MYH11: variants seen among roughly 807,000 people sequenced by gnomAD.
The protein encoded by MYH11 is myosin-11.
MYH11 carries 80 observed loss-of-function variants against 246.6 expected under a neutral mutation model. The ratio of observed to expected loss-of-function variants is 0.32; its 90% confidence interval spans 0.27 to 0.39. MYH11 has a LOEUF of 0.39. Among genes scored for constraint, MYH11 ranks in the 10% least tolerant of loss-of-function variants. The pLI is 1.00. For synonymous variants in MYH11, 1,071 were observed against 1,015.5 expected, an observed-to-expected ratio of 1.05 and a Z score of -1.04; for missense variants, 2,158 against 2,546.8, an observed-to-expected ratio of 0.85 and a Z score of 3.29.
chr16:15,793,613 TTC>T (rs1157006731), intron 4 of MYH11, among the ~76,000 whole-genome samples: 81 of 138,436 alleles, frequency 5.9e-4, no homozygotes, highest in Middle Eastern at 3.4e-3. Context: ...TTCTTTTCTT[TTC>T]TTTTTTTTTT....
intron 1 of MYH11, among the ~76,000 whole-genome samples, chr16:15,856,219 G>T (rs202049208): frequency 0.022 from 2,164 of 96,998 alleles, 23 homozygotes; most frequent in Non-Finnish European, 0.04. Context: ...TGGGTGAGTT[G>T]TTTTTTTTTT....
rs761288871 is a variant in MYH11, at chr16:15,735,568, C to T, written c.3304G>A (p.Glu1102Lys). The change falls in exon 26 of 41, where the codon GAA becomes AAA. Residue 1102 changes from glutamate (E) to lysine (K), a missense_variant. Glu to Lys is a moderately conservative substitution (Grantham distance 56). Transcript: ENST00000300036. Reference sequence around the variant, plus strand: ...AGGGCATTGTTCTTCTGAGCGATTTCATCGTCAAGCCTTCCAGGGAGAGAC... The same window carrying T: ...AGGGCATTGTTCTTCTGAGCGATTTTATCGTCAAGCCTTCCAGGGAGAGAC... ...LQAALARLDD[E>K]IAQKNNALKK... is the part of the protein sequence containing the mutation. 2 of 1,614,198 alleles carry T rather than the reference C, an allele frequency of 1.2e-6. No homozygotes were observed. Among genetic ancestry groups the T allele is most frequent in the South Asian group, 2.2e-5 (2 of 91,082 alleles).
chr16:15,817,798 C>A (rs1488096141), intron 3 of MYH11, among the ~76,000 whole-genome samples: 1 of 152,098 alleles, frequency 6.6e-6, no homozygotes, highest in Non-Finnish European at 1.5e-5. Flanking sequence ...CCATTCTCAC[C>A]CCTACATTTA....
At chr16:15,704,228 A>T in intron 40 of MYH11, 105 bp from the exon 41 acceptor site, 2 of 1,413,512 alleles carry the variant, frequency 1.4e-6, no homozygotes, top group Non-Finnish European at 1.9e-6. Flanking sequence ...CTATTGCAAT[A>T]TAAATTTTTT....
chr16:15,745,005 G>C, intron 20 of MYH11, 124 bp downstream of exon 20: 1 of 767,778 alleles, frequency 1.3e-6, no homozygotes, highest in South Asian at 1.4e-5. Flanking sequence ...AATGCTCAAG[G>C]TCTGAGTTCG....
rs769802444 is a variant in MYH11 at position 15,715,067 on chromosome 16, A to T, written c.5628T>A (p.Asn1876Lys). Residue 1876 changes from asparagine to lysine, a missense_variant, in exon 40 of 41, where the codon AAT (asparagine) becomes AAA (lysine). Physicochemically the swap from Asn to Lys is moderately conservative, Grantham distance 94 (BLOSUM62 0). This residue lies in a region of MYH11 where 1,013 missense variants were observed against 993.5 expected (regional missense o/e 1.02). Coordinates refer to ENST00000300036, the MANE Select transcript of MYH11 (RefSeq NM_002474.3). ...GCCTCTTGAGCTGCTTGACCCTGGC[A>T]TTGCCTTTCTCTGCCTGTCGCGGAG... ...EQYKEQAEKG[N>K]ARVKQLKRQL... 3 of 1,599,146 alleles carry T rather than the reference A, an allele frequency of 1.9e-6. No homozygotes were observed. In the Admixed American group the frequency reaches 5.0e-5, roughly 27 times the overall value.
At chr16:15,835,518 G>C (rs2151379051) in intron 2 of MYH11, among the ~76,000 whole-genome samples, 1 of 152,234 alleles carries the variant, frequency 6.6e-6, no homozygotes, top group South Asian at 2.1e-4. Flanking sequence ...ATGACAAGGG[G>C]CTTTTTGTAA....
chr16:15,723,778 G>A (rs1471961677), intron 31 of MYH11, among the ~76,000 whole-genome samples: 1 of 152,164 alleles, frequency 6.6e-6, no homozygotes, highest in Non-Finnish European at 1.5e-5. Flanking sequence ...GAAATCTTAG[G>A]GAAGAGTGGT....
At chr16:15,713,992 C>G (rs1373358679) in intron 40 of MYH11, 3 of 152,264 alleles carry the variant, frequency 2.0e-5, no homozygotes, top group African/African-American at 7.2e-5. Context: ...GCCTGAGGGT[C>G]AAATTGTGAG....
Position 15,817,019 on chromosome 16 carries a change from T to C in MYH11, c.502+6236A>G, listed in dbSNP as rs115788560. Among the ~76,000 whole-genome samples, 1,497 of 152,278 alleles carry C rather than the reference T, an allele frequency of 9.8e-3. 30 individuals carry two copies. Among genetic ancestry groups the C allele is most frequent in the African/African-American group, 0.034 (1,424 of 41,552 alleles). On this transcript the variant is annotated intron_variant, in intron 3 of 40. Transcript: ENST00000300036. The stretch of plus-strand genomic sequence containing the variant: ...TATATATATGGAATGCTAGTATTTG[T>C]AGGGAAATCTTAGGGAAGAAAATAG...
chr16:15,785,982 T>G (rs114017785), intron 5 of MYH11: 240 of 183,874 alleles, frequency 1.3e-3, no homozygotes, highest in African/African-American at 5.3e-3. Context: ...TGGCATACAG[T>G]AGGTGCTCAA....
At position 15,719,223 on chromosome 16, in the gene MYH11, C is replaced by T; in HGVS notation, c.5168G>A (p.Gly1723Glu). The T allele has an allele frequency of 6.2e-7, 1 of 1,613,686 alleles. No homozygotes were observed. Among genetic ancestry groups the T allele is most frequent in the Non-Finnish European group, 8.5e-7 (1 of 1,179,986 alleles). ...CTTCCTCCATTCAGTTTCCTACCTT[C>T]CCGACAGGCTACTGGCCAGCTCCTC... ...LAEELASSLS[G>E]RNALQDEKRR... Residue 1723 changes from glycine (G) to glutamate (E), a missense_variant, in exon 36 of 41, where the codon GGA becomes GAA. Gly to Glu is a moderately conservative substitution (Grantham distance 98, BLOSUM62 -2). This residue lies in a region of MYH11 where 1,013 missense variants were observed against 993.5 expected (regional missense o/e 1.02). Coordinates refer to ENST00000300036, the MANE Select transcript of MYH11 (RefSeq NM_002474.3).
At chr16:15,806,291 AAAAAAAAAAAAAAAAAAAAAAAAAG>A (rs1303807973) in intron 3 of MYH11, among the ~76,000 whole-genome samples, 1 of 82,964 alleles carries the variant, frequency 1.2e-5, no homozygotes, top group Non-Finnish European at 2.6e-5. Context: ...AAAAAAAAAA[AAAAAAAAAAAAAAAAAAAAAAAAAG>A]AAGCCAGCCA....
At chr16:15,741,981 C>T in intron 20 of MYH11, 90 bp from the exon 21 acceptor site, 6 of 1,553,566 alleles carry the variant, frequency 3.9e-6, no homozygotes, top group Non-Finnish European at 4.4e-6. Flanking sequence ...GAGCCAGGGA[C>T]AATGTTGCCC....
intron 2 of MYH11, among the ~76,000 whole-genome samples, chr16:15,832,965 T>A: frequency 7.4e-6 from 1 of 134,310 alleles, no homozygotes; most frequent in African/African-American, 2.8e-5. Context: ...TTTTTTTTTT[T>A]TTTTTTTTTT....
At chr16:15,821,977 T>C (rs1183785839) in intron 3 of MYH11, among the ~76,000 whole-genome samples, 1 of 151,884 alleles carries the variant, frequency 6.6e-6, no homozygotes, top group Non-Finnish European at 1.5e-5. Flanking sequence ...CTTTACAACC[T>C]GAGATTACAG....
intron 40 of MYH11, 89 bp from the exon 41 acceptor site, chr16:15,704,212 A>G (rs2039330784): frequency 6.6e-7 from 1 of 1,508,300 alleles, no homozygotes; most frequent in Non-Finnish European, 9.1e-7. Flanking sequence ...ACTTGTAGCT[A>G]TAGTCCTATT....
chr16:15,820,080 C>T (rs1349126991), intron 3 of MYH11, among the ~76,000 whole-genome samples: 1 of 152,180 alleles, frequency 6.6e-6, no homozygotes, highest in Non-Finnish European at 1.5e-5. Context: ...TGGTGGTGCA[C>T]ACCTGTAATC....
At chr16:15,821,715 G>A (rs916868197) in intron 3 of MYH11, among the ~76,000 whole-genome samples, 1 of 143,582 alleles carries the variant, frequency 7.0e-6, no homozygotes, top group African/African-American at 2.6e-5. Context: ...TCAGGAGATC[G>A]AGACCATCCT....
Sources: allele counts gnomAD v4.1 joint callset (sites outside exome capture counted in the v4.1 genomes callset), GRCh38; gene constraint gnomAD v4.1.1; regional missense constraint gnomAD v4.1.1; transcripts MANE v1.5; gene names NCBI Gene and HGNC (gene_info 2026-07-23, HGNC 2026-07-21).